CELF4: variants seen among roughly 807,000 people sequenced by gnomAD.
The protein encoded by CELF4 is CUG-BP- and ETR-3-like factor 4.
In CELF4, 18 loss-of-function variants were observed where a neutral mutation model predicts 59.9. The observed-to-expected ratio is 0.30, with a 90% confidence interval of 0.21 to 0.45. CELF4 has a LOEUF of 0.45. Ranked by LOEUF, CELF4 falls within the 20% of genes least tolerant of loss-of-function variation. The pLI, the probability that CELF4 is intolerant of heterozygous loss-of-function variation, is 1.00. For missense variants in CELF4, 456 were observed against 689.0 expected, an observed-to-expected ratio of 0.66 and a Z score of 3.79; for synonymous variants, 261 against 267.1, an observed-to-expected ratio of 0.98 and a Z score of 0.22.
In CELF4 at chr18:37,308,325, C is replaced by T. The variant is rs566986983; in HGVS notation, c.448+13478G>A. On this transcript the variant is annotated intron_variant, in intron 3 of 12. Coordinates refer to ENST00000420428, the MANE Select transcript of CELF4 (RefSeq NM_020180.4). The stretch of plus-strand genomic sequence containing the variant: ...AACCTCTTCTCTGGCCAACTGGTTT[C>T]CTCCTTTTGCCCTGGGCAGGCTTTA... 3.3e-5 allele frequency among the ~76,000 whole-genome samples: 5 copies of T among 152,294 alleles called. No homozygotes were observed. In the South Asian group the frequency reaches 1.0e-3, roughly 32 times the overall value.
chr18:37,330,489 G>A (rs1035118861), intron 2 of CELF4, among the ~76,000 whole-genome samples: 1 of 152,162 alleles, frequency 6.6e-6, no homozygotes, highest in African/African-American at 2.4e-5. Flanking sequence ...CCATAGAGAG[G>A]GGTTAGAGAT....
chr18:37,554,405 T>C (rs544390657), intron 1 of CELF4, among the ~76,000 whole-genome samples: 32 of 152,124 alleles, frequency 2.1e-4, no homozygotes, highest in Non-Finnish European at 3.4e-4. Flanking sequence ...AGGTAGGATG[T>C]GGCTGGTCAA....
chr18:37,451,962 C>CCCT (rs968705257), intron 2 of CELF4, among the ~76,000 whole-genome samples: 8 of 152,296 alleles, frequency 5.3e-5, no homozygotes, highest in African/African-American at 1.9e-4. Context: ...TTCTGCCCAC[C>CCCT]CCTCCATTCT....
chr18:37,439,724 C>A (rs2099706150), intron 2 of CELF4, among the ~76,000 whole-genome samples: 1 of 152,178 alleles, frequency 6.6e-6, no homozygotes, highest in Admixed American at 6.5e-5. Flanking sequence ...CAATTGAGTC[C>A]CCTCAGGCCG....
chr18:37,541,051 A>T (rs1158976211), intron 1 of CELF4, among the ~76,000 whole-genome samples: 1 of 152,160 alleles, frequency 6.6e-6, no homozygotes, highest in Non-Finnish European at 1.5e-5. Flanking sequence ...CTCAGTCCAC[A>T]CTGAGGAGGA....
rs527646849 is a variant in CELF4 at position 37,460,677 on chromosome 18, G to T, written c.369+24848C>A. On this transcript the variant is annotated intron_variant, in intron 2 of 12. Transcript: ENST00000420428. Reference sequence around the variant, plus strand: ...GTGCTAATGGCATACAGATGCATGCGAATTCATGTGCACACACACAAATTA... The same window carrying T: ...GTGCTAATGGCATACAGATGCATGCTAATTCATGTGCACACACACAAATTA... Among the ~76,000 whole-genome samples, 134 of 152,354 alleles carry T rather than the reference G, an allele frequency of 8.8e-4. 1 individual carries two copies. The highest frequency in any genetic ancestry group is 2.8e-3 in the African/African-American group (115 of 41,586).
chr18:37,464,464 G>A (rs1405821584), intron 2 of CELF4, among the ~76,000 whole-genome samples: 1 of 152,228 alleles, frequency 6.6e-6, no homozygotes, highest in African/African-American at 2.4e-5. Flanking sequence ...CTAGGCCCCT[G>A]GCTGGGGCTG....
chr18:37,503,639 AG>A (rs2099934268), intron 1 of CELF4, among the ~76,000 whole-genome samples: 1 of 152,166 alleles, frequency 6.6e-6, no homozygotes, highest in African/African-American at 2.4e-5. Context: ...AGTCACTAAA[AG>A]GGGTGCTAGC....
chr18:37,334,685 A>C lies in CELF4; in HGVS notation c.370-12804T>G, dbSNP rs1603582705. ...TTCTAAGCTGAGCCTCTCCACGGCC[A>C]GGAGAGGTGTCCTGGTTCCACCCTC... On this transcript the variant is annotated intron_variant, in intron 2 of 12. Coordinates refer to ENST00000420428, the MANE Select transcript of CELF4 (RefSeq NM_020180.4). 3.3e-5 allele frequency among the ~76,000 whole-genome samples: 5 copies of C among 151,912 alleles called. 1 individual carries two copies. The highest frequency in any genetic ancestry group is 3.3e-4 in the Admixed American group (5 of 15,268).
chr18:37,334,565 C>T (rs1314083514), intron 2 of CELF4, among the ~76,000 whole-genome samples: 1 of 152,064 alleles, frequency 6.6e-6, no homozygotes, highest in African/African-American at 2.4e-5. Context: ...GACGGAGACC[C>T]TTGTCTGTGT....
intron 2 of CELF4, among the ~76,000 whole-genome samples, chr18:37,343,267 TTTG>T (rs2098121576): frequency 6.6e-6 from 1 of 151,708 alleles, no homozygotes; most frequent in African/African-American, 2.4e-5. Flanking sequence ...TTGCAGCAGT[TTTG>T]TTGTGAGGCC....
chr18:37,268,158 G>A (rs1421536282), intron 8 of CELF4, among the ~76,000 whole-genome samples: 2 of 152,278 alleles, frequency 1.3e-5, no homozygotes, highest in East Asian at 3.9e-4. Context: ...TGCGGCAGGG[G>A]AGTCAGACCC....
intron 2 of CELF4, among the ~76,000 whole-genome samples, chr18:37,378,494 T>C (rs1194135769): frequency 6.6e-6 from 1 of 152,218 alleles, no homozygotes; most frequent in Non-Finnish European, 1.5e-5. Context: ...CAGAGAGTGC[T>C]GTAAGATGGG....
chr18:37,317,950 C>T (rs1031375781), intron 3 of CELF4, among the ~76,000 whole-genome samples: 2 of 152,226 alleles, frequency 1.3e-5, no homozygotes, highest in Non-Finnish European at 2.9e-5. Context: ...ACGATATGGC[C>T]ATGCAGTGGG....
chr18:37,337,633 A>T (rs555584245), intron 2 of CELF4, among the ~76,000 whole-genome samples: 70 of 152,326 alleles, frequency 4.6e-4, no homozygotes, highest in Non-Finnish European at 8.4e-4. Flanking sequence ...TCATCTCCAG[A>T]TGGCAGCGTC....
chr18:37,549,058 G>A (rs979319442), intron 1 of CELF4, among the ~76,000 whole-genome samples: 1 of 152,204 alleles, frequency 6.6e-6, no homozygotes, highest in African/African-American at 2.4e-5. Context: ...TGGTGAAGCG[G>A]GGCCAGTCGC....
At chr18:37,402,576 G>A (rs1772602821) in intron 2 of CELF4, among the ~76,000 whole-genome samples, 1 of 152,176 alleles carries the variant, frequency 6.6e-6, no homozygotes, top group Non-Finnish European at 1.5e-5. Flanking sequence ...TAGGGTGAGG[G>A]TAGAAGCTCT....
At chr18:37,282,233 G>C (rs148940208) in intron 3 of CELF4, among the ~76,000 whole-genome samples, 14 of 151,806 alleles carry the variant, frequency 9.2e-5, no homozygotes, top group African/African-American at 3.4e-4. Context: ...GGAGTGTAGA[G>C]AGGACCACCA....
At chr18:37,525,784 C>T (rs1417453728) in intron 1 of CELF4, among the ~76,000 whole-genome samples, 1 of 152,096 alleles carries the variant, frequency 6.6e-6, no homozygotes, top group Non-Finnish European at 1.5e-5. Flanking sequence ...AAGAAGGATC[C>T]TGCATTTTAC....
Sources: allele counts gnomAD v4.1 joint callset (sites outside exome capture counted in the v4.1 genomes callset), GRCh38; gene constraint gnomAD v4.1.1; transcripts MANE v1.5; gene names NCBI Gene and HGNC (gene_info 2026-07-23, HGNC 2026-07-21).